The following MGAT4C variants were observed in gnomAD, a reference collection of about 807,000 sequenced individuals.
MGAT4C encodes alpha-1,3-mannosyl-glycoprotein 4-beta-N-acetylglucosaminyltransferase C.
MGAT4C carries 19 observed loss-of-function variants against 40.1 expected under a neutral mutation model. That is an observed-to-expected ratio of 0.47 (90% CI 0.33 to 0.70). The LOEUF (loss-of-function observed/expected upper bound fraction) is 0.70, where lower values mean the gene tolerates loss of function less well. Ranked by LOEUF, MGAT4C falls within the 30% of genes least tolerant of loss-of-function variation. The pLI is 0.02. For synonymous variants in MGAT4C, 181 were observed against 187.1 expected (o/e 0.97, Z 0.27); for missense variants, 491 against 563.2 (o/e 0.87, Z 1.30).
At chr12:86,782,171 A>ATTTTTTTTTTTTT (rs57791582) in intron 1 of MGAT4C, among the ~76,000 whole-genome samples, 1 of 40,276 alleles carries the variant, frequency 2.5e-5, no homozygotes, top group Non-Finnish European at 4.4e-5. Context: ...TGTTTTTTGT[A>ATTTTTTTTTTTTT]TTTTTTTTTT....
rs374634165 is a variant in MGAT4C at position 86,057,875 on chromosome 12, C to A, written c.-56-8152G>T. Reference sequence around the variant, plus strand: ...AACAAGATTTCTATAGCAGACAGAACTTTGACTTCTATACACTGCTATTTA... The same window carrying A: ...AACAAGATTTCTATAGCAGACAGAAATTTGACTTCTATACACTGCTATTTA... On this transcript the variant is annotated intron_variant, in intron 1 of 4. Transcript: ENST00000611864. 3.9e-5 allele frequency among the ~76,000 whole-genome samples: 6 copies of A among 152,212 alleles called. No individual in the cohort carries two copies. In the East Asian group the frequency reaches 9.6e-4, roughly 24 times the overall value.
At chr12:86,083,814 T>C (rs1278096774) in intron 1 of MGAT4C, among the ~76,000 whole-genome samples, 1 of 152,094 alleles carries the variant, frequency 6.6e-6, no homozygotes, top group East Asian at 1.9e-4. Context: ...TTATGAGCAA[T>C]ATGAATCTCT....
chr12:86,374,918 G>T (rs1425080372), intron 3 of MGAT4C, among the ~76,000 whole-genome samples: 1 of 152,074 alleles, frequency 6.6e-6, no homozygotes, highest in African/African-American at 2.4e-5. Flanking sequence ...AGATACACTA[G>T]ATCTTATGAA....
intron 2 of MGAT4C, among the ~76,000 whole-genome samples, chr12:86,725,352 T>C (rs1265139749): frequency 3.3e-5 from 5 of 152,180 alleles, no homozygotes; most frequent in Admixed American, 3.3e-4. Context: ...TTAAACAACT[T>C]GGGTGAAAGT....
chr12:86,621,168 A>T lies in MGAT4C; in HGVS notation c.-229+106041T>A, dbSNP rs1325908675. On this transcript the variant is annotated intron_variant, in intron 2 of 7. Coordinates refer to the MGAT4C transcript ENST00000548651. Reference sequence around the variant, plus strand: ...TTTCAATGGTATTTATTTGTGAAATAAAAAAATAGTACACATTCAAATTTT... The same window carrying T: ...TTTCAATGGTATTTATTTGTGAAATTAAAAAATAGTACACATTCAAATTTT... Among the ~76,000 whole-genome samples, 5 of 152,092 alleles carry T rather than the reference A, an allele frequency of 3.3e-5. No homozygotes were observed. In the East Asian group the frequency reaches 9.6e-4, roughly 29 times the overall value.
intron 1 of MGAT4C, among the ~76,000 whole-genome samples, chr12:86,252,629 A>G (rs1952347406): frequency 6.6e-6 from 1 of 151,934 alleles, no homozygotes; most frequent in Admixed American, 6.6e-5. Context: ...AATTGGCCTT[A>G]AAAAGTAAAT....
At chr12:86,156,040 ATTTC>A (rs1227057468) in intron 1 of MGAT4C, among the ~76,000 whole-genome samples, 1 of 152,160 alleles carries the variant, frequency 6.6e-6, no homozygotes, top group Non-Finnish European at 1.5e-5. Flanking sequence ...AAATCTTAAA[ATTTC>A]TTTATTAAAT....
chr12:86,344,590 C>A lies in MGAT4C; in HGVS notation c.-119-10463G>T, dbSNP rs553994387. Among the ~76,000 whole-genome samples the A allele has an allele frequency of 1.5e-4, 23 of 152,170 alleles. No homozygotes were observed. The South Asian group carries it at 4.8e-3, about 32-fold the overall frequency. On this transcript the variant is annotated intron_variant, in intron 3 of 7. Coordinates refer to the MGAT4C transcript ENST00000548651. ...ACTAAACAGGTTCCAATTGATTGTA[C>A]TTTACACACATTGAATACAGACTAT...
At chr12:86,503,251 CAT>C (rs1392556881) in intron 2 of MGAT4C, among the ~76,000 whole-genome samples, 5 of 6,838 alleles carry the variant, frequency 7.3e-4, no homozygotes, top group African/African-American at 1.4e-3. Flanking sequence ...GAGTTCTGCT[CAT>C]ATATATATAT....
intron 3 of MGAT4C, among the ~76,000 whole-genome samples, chr12:85,986,371 T>A (rs908794248): frequency 6.6e-6 from 1 of 152,238 alleles, no homozygotes; most frequent in African/African-American, 2.4e-5. Flanking sequence ...ACTTTGAAGA[T>A]GCTCAAAGCC....
chr12:86,193,657 T>C (rs1224132991), intron 1 of MGAT4C, among the ~76,000 whole-genome samples: 1 of 152,138 alleles, frequency 6.6e-6, no homozygotes, highest in Non-Finnish European at 1.5e-5. Context: ...GGCAGTTTTA[T>C]TTTTTAGCTC....
chr12:86,489,940 C>T (rs1019241438), intron 2 of MGAT4C, among the ~76,000 whole-genome samples: 6 of 152,076 alleles, frequency 3.9e-5, no homozygotes, highest in Non-Finnish European at 7.4e-5. Context: ...ACCAAATCTA[C>T]GTCTAATTGG....
chr12:86,335,689 C>T (rs1325446053), intron 3 of MGAT4C, among the ~76,000 whole-genome samples: 7 of 152,020 alleles, frequency 4.6e-5, no homozygotes, highest in African/African-American at 1.7e-4. Flanking sequence ...TATTTAAAGC[C>T]CACATCTTGT....
intron 1 of MGAT4C, among the ~76,000 whole-genome samples, chr12:86,167,069 T>C (rs951699180): frequency 6.6e-6 from 1 of 152,182 alleles, no homozygotes; most frequent in Non-Finnish European, 1.5e-5. Flanking sequence ...ATGAAGACTA[T>C]TGAGTTTATG....
intron 1 of MGAT4C, among the ~76,000 whole-genome samples, chr12:86,233,575 T>C (rs1166727348): frequency 5.3e-5 from 8 of 152,132 alleles, no homozygotes; most frequent in Non-Finnish European, 8.8e-5. Context: ...ACAATTTCTT[T>C]CTGCTACAAC....
intron 2 of MGAT4C, among the ~76,000 whole-genome samples, chr12:86,474,746 G>A (rs1420562609): frequency 2.0e-5 from 3 of 151,914 alleles, no homozygotes; most frequent in Non-Finnish European, 4.4e-5. Context: ...TGTGTCAAAT[G>A]GGGATATGGT....
At chr12:86,801,527 A>AT (rs761749121) in intron 1 of MGAT4C, among the ~76,000 whole-genome samples, 20 of 151,734 alleles carry the variant, frequency 1.3e-4, no homozygotes, top group East Asian at 3.9e-4. Context: ...GCAGGTAGGG[A>AT]TTTTTTCTGT....
chr12:86,734,229 A>G (rs1950952463), intron 1 of MGAT4C, among the ~76,000 whole-genome samples: 1 of 152,136 alleles, frequency 6.6e-6, no homozygotes, highest in South Asian at 2.1e-4. Context: ...ATAATTGCTA[A>G]CAAGAGATAT....
At chr12:86,378,514 GA>G (rs1437619549) in intron 3 of MGAT4C, among the ~76,000 whole-genome samples, 2 of 151,902 alleles carry the variant, frequency 1.3e-5, no homozygotes, top group African/African-American at 4.8e-5. Context: ...GTGGAGGAAA[GA>G]AAAAAAGAGC....
Sources: allele counts gnomAD v4.1 joint callset (sites outside exome capture counted in the v4.1 genomes callset), GRCh38; gene constraint gnomAD v4.1.1; transcripts MANE v1.5; gene names NCBI Gene and HGNC (gene_info 2026-07-23, HGNC 2026-07-21).